Variants in PARD3B observed in about 807,000 individuals in gnomAD.
PARD3B encodes partitioning defective 3 homolog B.
A neutral mutation model predicts 130.2 loss-of-function variants in PARD3B; 103 were observed. The observed-to-expected ratio is 0.79, with a 90% CI of 0.67 to 0.93. The LOEUF (loss-of-function observed/expected upper bound fraction) is 0.93, where lower values mean the gene tolerates loss of function less well. PARD3B is among the 40% of genes least tolerant of loss of function. The pLI is 0.00. For synonymous variants in PARD3B, 583 were observed against 553.2 expected (o/e 1.05, Z -0.76); for missense variants, 1,609 against 1,499.2 (o/e 1.07, Z -1.21).
chr2:204,977,535 C>T (rs982726190), intron 3 of PARD3B, among the ~76,000 whole-genome samples: 5 of 151,900 alleles, frequency 3.3e-5, no homozygotes, highest in African/African-American at 7.3e-5. Flanking sequence ...GTAGGCCGGG[C>T]GCGGTGGCTC....
At chr2:205,164,908 A>T (rs564215167) in intron 11 of PARD3B, among the ~76,000 whole-genome samples, 17 of 145,824 alleles carry the variant, frequency 1.2e-4, no homozygotes, top group African/African-American at 4.4e-4. Flanking sequence ...AACTCTGACC[A>T]CAGTATGAAC....
intron 1 of PARD3B, among the ~76,000 whole-genome samples, chr2:204,577,950 CCT>C (rs2032355574): frequency 6.6e-6 from 1 of 152,040 alleles, no homozygotes; most frequent in Non-Finnish European, 1.5e-5. Flanking sequence ...GGCTTTGTCC[CCT>C]AGGACATTGT....
intron 20 of PARD3B, among the ~76,000 whole-genome samples, chr2:205,476,229 T>G (rs952218459): frequency 1.3e-5 from 2 of 152,214 alleles, no homozygotes; most frequent in African/African-American, 2.4e-5. Flanking sequence ...TCGGAATGCA[T>G]GTAGGGTGAG....
intron 15 of PARD3B, among the ~76,000 whole-genome samples, chr2:205,226,166 C>T (rs1410788748): frequency 1.3e-5 from 2 of 152,134 alleles, no homozygotes; most frequent in South Asian, 2.1e-4. Flanking sequence ...CTCAGCCTCC[C>T]GAGTAGCTGG....
rs1222742222 is a variant in PARD3B at position 204,673,384 on chromosome 2, C to T, written c.121-12797C>T. The stretch of plus-strand genomic sequence containing the variant: ...AATAAAAAATTTACTCAGTGTGGTG[C>T]AAGATACTCTTGGCAAGGGTAGAGA... On this transcript the variant is annotated intron_variant, in intron 1 of 22. Coordinates refer to ENST00000406610, the MANE Select transcript of PARD3B (RefSeq NM_001302769.2). The surrounding 1 kb of genome is among the most constrained non-coding windows in gnomAD (Gnocchi z 4.7). Among the ~76,000 whole-genome samples the T allele has an allele frequency of 6.6e-6, 1 of 152,164 alleles. No homozygotes were observed. Among genetic ancestry groups the T allele is most frequent in the Admixed American group, 6.5e-5 (1 of 15,284 alleles).
chr2:205,444,198 G>T (rs1177661200), intron 20 of PARD3B, among the ~76,000 whole-genome samples: 1 of 152,154 alleles, frequency 6.6e-6, no homozygotes, highest in Non-Finnish European at 1.5e-5. Context: ...GACCAGGCTG[G>T]TCTCAAACTC....
intron 3 of PARD3B, among the ~76,000 whole-genome samples, chr2:205,028,826 G>A (rs1413187645): frequency 6.6e-6 from 1 of 152,114 alleles, no homozygotes; most frequent in Non-Finnish European, 1.5e-5. Context: ...AATCAATTCA[G>A]TAAAGTTCGG....
chr2:205,236,245 C>A (rs2125903369), intron 15 of PARD3B, among the ~76,000 whole-genome samples: 1 of 152,254 alleles, frequency 6.6e-6, no homozygotes, highest in Non-Finnish European at 1.5e-5. Flanking sequence ...ACTTCACTGG[C>A]AAATTTGACT....
chr2:205,424,237 T>G (rs1206991375), intron 19 of PARD3B, among the ~76,000 whole-genome samples: 1 of 152,094 alleles, frequency 6.6e-6, no homozygotes, highest in Non-Finnish European at 1.5e-5. Flanking sequence ...AGAATATGAG[T>G]GCCCTATACC....
rs753981722 is a variant in PARD3B, at chr2:205,440,660, T to C, written c.3032T>C (p.Val1011Ala). ...AKVNKPYHPL[V>A]PADSGRPTGG... ...GTCAACAAGCCATACCATCCACTGG[T>C]TCCAGCTGACAGGTAATAAACTTAG... is the stretch of plus-strand genomic sequence containing the variant. Residue 1011 changes from valine (V) to alanine (A), a missense_variant, in exon 20 of 23, where the codon GTT (valine) becomes GCT (alanine). Transcript: ENST00000406610. This position sits in a 1 kb window ranked among gnomAD's most constrained non-coding sequence, Gnocchi z 4.2. The C allele has an allele frequency of 1.5e-4, 244 of 1,612,884 alleles. 3 individuals are homozygous for C. In the South Asian group the frequency reaches 2.6e-3, roughly 17 times the overall value.
chr2:205,205,944 G>A (rs1029394043), intron 15 of PARD3B, among the ~76,000 whole-genome samples: 1 of 152,124 alleles, frequency 6.6e-6, no homozygotes. Flanking sequence ...TTGGTATCAG[G>A]ATGATGCTGG....
chr2:204,777,745 G>T (rs557080322), intron 2 of PARD3B, among the ~76,000 whole-genome samples: 5 of 152,260 alleles, frequency 3.3e-5, no homozygotes, highest in South Asian at 2.1e-4. Flanking sequence ...CTCCAGCCTG[G>T]TGTCAAAGTG....
intron 2 of PARD3B, among the ~76,000 whole-genome samples, chr2:204,963,102 A>T (rs970440996): frequency 1.3e-5 from 2 of 152,176 alleles, no homozygotes; most frequent in Non-Finnish European, 1.5e-5. Context: ...CAGTATAGGA[A>T]AATACTTTCT....
At chr2:205,519,445 T>C (rs961818072) in intron 21 of PARD3B, among the ~76,000 whole-genome samples, 2 of 152,238 alleles carry the variant, frequency 1.3e-5, no homozygotes, top group African/African-American at 4.8e-5. Flanking sequence ...TGTTCTTTTT[T>C]TGGACTGGCT....
At chr2:204,811,998 A>G (rs1394972875) in intron 2 of PARD3B, among the ~76,000 whole-genome samples, 1 of 151,786 alleles carries the variant, frequency 6.6e-6, no homozygotes, top group Non-Finnish European at 1.5e-5. Context: ...GATCATGTCC[A>G]TTTTTCTGAA....
At chr2:205,310,511 C>T (rs2042342854) in intron 18 of PARD3B, among the ~76,000 whole-genome samples, 1 of 152,040 alleles carries the variant, frequency 6.6e-6, no homozygotes, top group South Asian at 2.1e-4. Flanking sequence ...ATAGCCTAGC[C>T]TCTGGTGACC....
At chr2:205,493,694 T>C (rs1209847259) in intron 20 of PARD3B, among the ~76,000 whole-genome samples, 2 of 151,892 alleles carry the variant, frequency 1.3e-5, no homozygotes, top group Admixed American at 6.6e-5. Context: ...AGTTACAGGC[T>C]ATAAAAGCCA....
chr2:204,683,177 A>G (rs1208978355), intron 1 of PARD3B, among the ~76,000 whole-genome samples: 1 of 152,224 alleles, frequency 6.6e-6, no homozygotes, highest in African/African-American at 2.4e-5. Flanking sequence ...TTATTTTTCA[A>G]TAATGATCCT....
intron 2 of PARD3B, among the ~76,000 whole-genome samples, chr2:204,826,301 G>T (rs2043569201): frequency 6.6e-6 from 1 of 152,118 alleles, no homozygotes; most frequent in African/African-American, 2.4e-5. Flanking sequence ...ACTGTTGTTT[G>T]GGACTTAATA....
Sources: allele counts gnomAD v4.1 joint callset (sites outside exome capture counted in the v4.1 genomes callset), GRCh38; gene constraint gnomAD v4.1.1; non-coding constraint Gnocchi (gnomAD v3.1); transcripts MANE v1.5; gene names NCBI Gene and HGNC (gene_info 2026-07-23, HGNC 2026-07-21).